CHODL: variants seen among roughly 807,000 people sequenced by gnomAD.
The protein encoded by CHODL is transmembrane protein MT75.
CHODL carries 29 observed loss-of-function variants against 34.5 expected under a neutral mutation model. The observed-to-expected ratio is 0.84, with a 90% CI of 0.63 to 1.15. The LOEUF (loss-of-function observed/expected upper bound fraction) is 1.15. CHODL is among the 50% of genes most tolerant of loss of function. CHODL has a pLI of 0.00. For synonymous variants in CHODL, 125 were observed against 116.1 expected, an observed-to-expected ratio of 1.08 and a Z score of -0.49; for missense variants, 332 against 332.5, an observed-to-expected ratio of 1.00 and a Z score of 0.01.
chr21:18,009,817 A>G (rs3763146), intron 1 of CHODL, among the ~76,000 whole-genome samples: 54,976 of 146,312 alleles, frequency 0.38, 12,736 homozygotes, highest in African/African-American at 0.67. Flanking sequence ...GAACCTGGGA[A>G]GCGGAGCTTG....
intron 1 of CHODL, among the ~76,000 whole-genome samples, chr21:17,981,613 A>T (rs1428941518): frequency 6.6e-6 from 1 of 152,220 alleles, no homozygotes; most frequent in African/African-American, 2.4e-5. Flanking sequence ...AATACGTCAA[A>T]CATTTACAAA....
At chr21:17,967,085 A>G (rs7277083) in intron 1 of CHODL, among the ~76,000 whole-genome samples, 30,922 of 151,946 alleles carry the variant, frequency 0.2, 3,842 homozygotes, top group African/African-American at 0.34. Flanking sequence ...GGGTTTCACC[A>G]TGTTGACCAT....
At chr21:18,132,702 C>T (rs1035676846) in intron 2 of CHODL, among the ~76,000 whole-genome samples, 5 of 152,028 alleles carry the variant, frequency 3.3e-5, no homozygotes, top group Non-Finnish European at 7.4e-5. Flanking sequence ...ACTGTATTTG[C>T]GTTCTTATCT....
intron 2 of CHODL, among the ~76,000 whole-genome samples, chr21:18,139,323 C>T (rs1184429383): frequency 1.3e-5 from 2 of 151,924 alleles, no homozygotes; most frequent in Non-Finnish European, 2.9e-5. Flanking sequence ...CTGGAGAACC[C>T]ATTGGAGGTA....
intron 2 of CHODL, among the ~76,000 whole-genome samples, chr21:18,175,453 C>T (rs990923828): frequency 6.6e-6 from 1 of 151,956 alleles, no homozygotes; most frequent in Admixed American, 6.5e-5. Flanking sequence ...ATTAGCTGGG[C>T]GTGGTGGTGT....
intron 1 of CHODL, among the ~76,000 whole-genome samples, chr21:18,019,457 T>C (rs1255969244): frequency 6.6e-6 from 1 of 152,114 alleles, no homozygotes; most frequent in African/African-American, 2.4e-5. Context: ...CATTTTAAAA[T>C]AATTAAGAGT....
chr21:17,950,274 TAAAAG>T (rs1226302863), intron 1 of CHODL, among the ~76,000 whole-genome samples: 1 of 151,282 alleles, frequency 6.6e-6, no homozygotes. Context: ...AAATTACAAA[TAAAAG>T]GAGCTTTTAA....
chr21:18,167,396 G>A (rs563491538), intron 2 of CHODL, among the ~76,000 whole-genome samples: 19 of 145,910 alleles, frequency 1.3e-4, no homozygotes, highest in African/African-American at 3.6e-4. Flanking sequence ...TGCAAGCTCC[G>A]CCTCCCAGGT....
intron 2 of CHODL, among the ~76,000 whole-genome samples, chr21:18,058,206 T>TA (rs1383630106): frequency 6.6e-6 from 1 of 152,012 alleles, no homozygotes; most frequent in African/African-American, 2.4e-5. Flanking sequence ...AAATAACAAA[T>TA]ACTGGTGATG....
At chr21:18,245,931 C>T (rs900668616) in intron 1 of CHODL, 3 of 1,535,634 alleles carry the variant, frequency 2.0e-6, no homozygotes, top group Non-Finnish European at 2.6e-6. Flanking sequence ...TGGAGTTGGG[C>T]CGAGGTATAC....
chr21:17,962,125 A>C (rs1317641449), intron 1 of CHODL, among the ~76,000 whole-genome samples: 2 of 152,114 alleles, frequency 1.3e-5, no homozygotes, highest in African/African-American at 4.8e-5. Flanking sequence ...TTAGGGACCT[A>C]TTTTCAGGGG....
chr21:18,209,000 G>A (rs1225848087), intron 2 of CHODL, among the ~76,000 whole-genome samples: 1 of 151,894 alleles, frequency 6.6e-6, no homozygotes, highest in Non-Finnish European at 1.5e-5. Context: ...TGTCACCTGA[G>A]GCCCATGGTA....
At chr21:18,208,608 G>A (rs2073739282) in intron 2 of CHODL, among the ~76,000 whole-genome samples, 1 of 151,906 alleles carries the variant, frequency 6.6e-6, no homozygotes, top group Admixed American at 6.6e-5. Context: ...TCATACTCTG[G>A]GCTTGTGTGT....
chr21:18,182,139 AGTG>A (rs1169960300), intron 2 of CHODL, among the ~76,000 whole-genome samples: 1 of 152,180 alleles, frequency 6.6e-6, no homozygotes, highest in East Asian at 1.9e-4. Flanking sequence ...CTTTTGAGGA[AGTG>A]CTGATGGGAG....
chr21:18,030,212 G>T (rs556813936), intron 2 of CHODL, among the ~76,000 whole-genome samples: 3 of 152,166 alleles, frequency 2.0e-5, no homozygotes, highest in Admixed American at 1.3e-4. Context: ...ATCGGTGTAC[G>T]CATTCTCTTG....
At chr21:17,992,715 G>GTT (rs1237074983) in intron 1 of CHODL, among the ~76,000 whole-genome samples, 348 of 31,348 alleles carry the variant, frequency 0.011, 11 homozygotes, top group African/African-American at 0.022. Flanking sequence ...TTCTGGTGGA[G>GTT]TTGTTTTTTT....
At chr21:17,985,715 T>G (rs1271401351) in intron 1 of CHODL, among the ~76,000 whole-genome samples, 1 of 152,198 alleles carries the variant, frequency 6.6e-6, no homozygotes, top group Non-Finnish European at 1.5e-5. Context: ...TCAATTTTTT[T>G]GGGTTAAGGT....
At chr21:18,002,748 T>C (rs1266000948) in intron 1 of CHODL, among the ~76,000 whole-genome samples, 1 of 152,036 alleles carries the variant, frequency 6.6e-6, no homozygotes, top group Non-Finnish European at 1.5e-5. Flanking sequence ...CATGGAAATA[T>C]GGTTTGATGG....
intron 2 of CHODL, among the ~76,000 whole-genome samples, chr21:18,162,814 T>C (rs1336280548): frequency 1.3e-5 from 2 of 152,204 alleles, no homozygotes; most frequent in African/African-American, 4.8e-5. Context: ...TTTATTTTTG[T>C]TTTTCTTTTC....
Sources: gnomAD v4.1 joint callset for allele counts (sites outside exome capture counted in the v4.1 genomes callset) on GRCh38, gnomAD v4.1.1 for gene constraint, MANE v1.5 for transcripts, NCBI Gene and HGNC (gene_info 2026-07-23, HGNC 2026-07-21) for gene names.